RFX6: variants seen among roughly 807,000 people sequenced by gnomAD.
The protein encoded by RFX6 is regulatory factor X6, also known as DNA-binding protein RFX6.
RFX6 carries 50 observed loss-of-function variants against 110.8 expected under a neutral mutation model. The observed-to-expected ratio is 0.45, with a 90% CI of 0.36 to 0.57. The LOEUF is 0.57. Ranked by LOEUF, RFX6 falls within the 20% of genes least tolerant of loss-of-function variation. The probability of loss-of-function intolerance (pLI) is 0.00; values close to 1 mark genes in which losing one functional copy is unlikely to be tolerated. For missense variants in RFX6, 990 were observed against 1,127.0 expected, an observed-to-expected ratio of 0.88 and a Z score of 1.74; for synonymous variants, 383 against 411.2, an observed-to-expected ratio of 0.93 and a Z score of 0.83.
At position 116,895,161 on chromosome 6, in the gene RFX6, A is replaced by T; in HGVS notation, c.645-19A>T. 1 of 1,410,274 alleles carries T rather than the reference A, an allele frequency of 7.1e-7. No homozygotes were observed. The highest frequency in any genetic ancestry group is 2.3e-5 in the East Asian group (1 of 43,660). The allele number at this position is 1,410,274 out of a possible 1,614,324, so 87.4% of individuals were successfully genotyped here. On this transcript the variant is annotated intron_variant, in intron 5 of 18. Coordinates refer to ENST00000332958, the MANE Select transcript of RFX6 (RefSeq NM_173560.4). ...TGTAATTTTGTTTGAACTAATGGAAAATGTACTAATTTTTTAAGGTTTTCT... is the reference window on the plus strand; with the variant it reads ...TGTAATTTTGTTTGAACTAATGGAATATGTACTAATTTTTTAAGGTTTTCT...
intron 6 of RFX6, among the ~76,000 whole-genome samples, chr6:116,896,744 G>A (rs1177674667): frequency 2.6e-5 from 4 of 152,002 alleles, no homozygotes; most frequent in South Asian, 2.1e-4. Flanking sequence ...ACCAACCATC[G>A]TTGGTGTGCT....
At position 116,919,532 on chromosome 6, in the gene RFX6, T is replaced by G. The variant is rs543548550; in HGVS notation, c.1182+236T>G. On this transcript the variant is annotated intron_variant, in intron 11 of 18. Transcript: ENST00000332958. Reference sequence around the variant, plus strand: ...TTGTACCAATGTTAATTTCATAATTTGGGTAATATACAATAGTTACAGAAG... The same window carrying G: ...TTGTACCAATGTTAATTTCATAATTGGGGTAATATACAATAGTTACAGAAG... Among the ~76,000 whole-genome samples the G allele has an allele frequency of 1.5e-4, 22 of 149,640 alleles. 1 individual carries two copies. The South Asian group carries it at 4.7e-3, about 32-fold the overall frequency.
At chr6:116,919,987 T>C (rs745756106) in intron 11 of RFX6, among the ~76,000 whole-genome samples, 3 of 152,186 alleles carry the variant, frequency 2.0e-5, no homozygotes, top group Non-Finnish European at 2.9e-5. Flanking sequence ...AATCCATTTA[T>C]ATTTTCTTTT....
chr6:116,927,087 T>C lies in RFX6; in HGVS notation c.1946T>C (p.Met649Thr), dbSNP rs1375477171. ...HLMTPPISPA[M>T]ASRGSVINQG... Reference sequence around the variant, plus strand: ...ATGACACCACCCATTTCTCCAGCCATGGCAAGCCGAGGAAGTGTCATTAAC... The same window carrying C: ...ATGACACCACCCATTTCTCCAGCCACGGCAAGCCGAGGAAGTGTCATTAAC... Residue 649 changes from methionine (M) to threonine (T), a missense_variant, in exon 17 of 19, where the codon ATG becomes ACG. Met to Thr is a moderately conservative substitution (Grantham distance 81). Around this residue, in one of 5 missense-constraint regions of RFX6, gnomAD observed 438 missense variants for 441.9 expected, o/e 0.99. Coordinates refer to ENST00000332958, the MANE Select transcript of RFX6 (RefSeq NM_173560.4). The C allele has an allele frequency of 6.2e-7, 1 of 1,614,092 alleles. No individual in the cohort carries two copies.
At chr6:116,892,526 CA>C (rs997602707) in intron 4 of RFX6, among the ~76,000 whole-genome samples, 1 of 152,130 alleles carries the variant, frequency 6.6e-6, no homozygotes, top group African/African-American at 2.4e-5. Flanking sequence ...GAGGTGTGGT[CA>C]GGGGGTAGCT....
At chr6:116,905,284 C>T (rs1775173557) in intron 6 of RFX6, among the ~76,000 whole-genome samples, 1 of 152,084 alleles carries the variant, frequency 6.6e-6, no homozygotes, top group Non-Finnish European at 1.5e-5. Context: ...TTGCATTTCC[C>T]TAATGATTGT....
At chr6:116,922,287 C>T (rs892695889) in intron 13 of RFX6, 136 bp downstream of exon 13, 14 of 674,202 alleles carry the variant, frequency 2.1e-5, no homozygotes, top group East Asian at 5.4e-5. Flanking sequence ...TGATGCTCTA[C>T]GAATAAGGCA....
intron 6 of RFX6, among the ~76,000 whole-genome samples, chr6:116,907,024 T>A (rs1262023281): frequency 1.3e-5 from 2 of 152,060 alleles, no homozygotes; most frequent in Admixed American, 6.5e-5. Flanking sequence ...CAACTTTTAT[T>A]ATGTTGAGGT....
At chr6:116,906,150 T>C (rs1775197735) in intron 6 of RFX6, among the ~76,000 whole-genome samples, 1 of 152,328 alleles carries the variant, frequency 6.6e-6, no homozygotes, top group Admixed American at 6.5e-5. Flanking sequence ...TAGAATGGTT[T>C]TGGCACCCCT....
chr6:116,882,337 A>C, intron 3 of RFX6, 30 bp from the exon 4 acceptor site: 1 of 1,573,406 alleles, frequency 6.4e-7, no homozygotes, highest in Non-Finnish European at 8.7e-7. Flanking sequence ...TATACTTTCT[A>C]ACGCCTAAAG....
intron 15 of RFX6, 139 bp downstream of exon 15, chr6:116,924,930 T>C: frequency 1.5e-6 from 1 of 681,312 alleles, no homozygotes; most frequent in African/African-American, 1.8e-5. Flanking sequence ...ATTCTCACCA[T>C]ACAGTCACAC....
chr6:116,879,121 T>C (rs757448990), intron 2 of RFX6, among the ~76,000 whole-genome samples: 15 of 151,896 alleles, frequency 9.9e-5, no homozygotes, highest in Non-Finnish European at 1.8e-4. Flanking sequence ...CTCCATTTTT[T>C]CCATTTAAAT....
intron 9 of RFX6, 38 bp downstream of exon 9, chr6:116,916,352 T>C: frequency 2.6e-6 from 3 of 1,137,954 alleles, no homozygotes; most frequent in Non-Finnish European, 4.0e-6. Flanking sequence ...GAGCCATTTA[T>C]TTCTTTACGT....
intron 11 of RFX6, 70 bp downstream of exon 11, chr6:116,919,366 T>C: frequency 1.4e-6 from 2 of 1,389,810 alleles, no homozygotes; most frequent in Non-Finnish European, 1.0e-6. Context: ...GAAGGACAGA[T>C]TGAGGAACTT....
chr6:116,927,157 G>A lies in RFX6; in HGVS notation c.2016G>A (p.Leu672=). The A allele has an allele frequency of 1.2e-6, 2 of 1,614,126 alleles. No individual in the cohort carries two copies. The highest frequency in any genetic ancestry group is 1.1e-5 in the South Asian group (1 of 91,074). ...AGRPPSVGPV[L]SAPSHCSTYP... ...GGCCCCCAAGTGTGGGCCCAGTACTGTCAGCTCCATCACACTGCTCCACAT... is the reference window on the plus strand; with the variant it reads ...GGCCCCCAAGTGTGGGCCCAGTACTATCAGCTCCATCACACTGCTCCACAT... Residue 672 remains leucine (L), a synonymous_variant, in exon 17 of 19, where the codon CTG becomes CTA. Transcript: ENST00000332958.
chr6:116,877,505 G>A lies in RFX6; in HGVS notation c.223+7G>A. 6.5e-7 allele frequency: 1 copy of A among 1,547,176 alleles called. No individual in the cohort carries two copies. Among genetic ancestry groups the A allele is most frequent in the Non-Finnish European group, 8.7e-7 (1 of 1,143,634 alleles). Reference sequence around the variant, plus strand: ...CCGGGGGCAGTGAAATCAGGTGAGTGCTCTGCCGCATCCGGAGCTGGGAAG... The same window carrying A: ...CCGGGGGCAGTGAAATCAGGTGAGTACTCTGCCGCATCCGGAGCTGGGAAG... On this transcript the variant is annotated splice_region_variant and intron_variant, in intron 1 of 18. Transcript: ENST00000332958.
intron 6 of RFX6, among the ~76,000 whole-genome samples, chr6:116,902,421 C>T (rs560963645): frequency 3.1e-4 from 47 of 151,850 alleles, no homozygotes; most frequent in South Asian, 1.0e-3. Context: ...ATGGTAAGAG[C>T]GTTACTACTT....
At chr6:116,888,017 T>C (rs1258085464) in intron 4 of RFX6, among the ~76,000 whole-genome samples, 3 of 152,224 alleles carry the variant, frequency 2.0e-5, no homozygotes, top group Non-Finnish European at 4.4e-5. Context: ...AAAGCTATTA[T>C]CTTATTTATT....
chr6:116,887,431 A>G (rs192701384), intron 4 of RFX6, among the ~76,000 whole-genome samples: 22 of 152,312 alleles, frequency 1.4e-4, no homozygotes, highest in Admixed American at 1.3e-3. Context: ...CCAGCGGCAG[A>G]CACTGTACAT....
Sources: allele counts gnomAD v4.1 joint callset (sites outside exome capture counted in the v4.1 genomes callset), GRCh38; gene constraint gnomAD v4.1.1; regional missense constraint gnomAD v4.1.1; transcripts MANE v1.5; gene names NCBI Gene and HGNC (gene_info 2026-07-23, HGNC 2026-07-21).